The following PCDHGA7 variants were observed in gnomAD, a reference collection of about 807,000 sequenced individuals.
PCDHGA7 encodes the protein protocadherin gamma-A7.
In PCDHGA7, 44 loss-of-function variants were observed where a neutral mutation model predicts 58.3. The observed-to-expected ratio is 0.75, with a 90% confidence interval of 0.59 to 0.97. PCDHGA7 has a LOEUF of 0.97. Among genes scored for constraint, PCDHGA7 ranks in the 50% least tolerant of loss-of-function variants. The probability of loss-of-function intolerance (pLI) is 0.00; values close to 1 mark genes in which losing one functional copy is unlikely to be tolerated. For synonymous variants in PCDHGA7, 516 were observed against 504.2 expected (o/e 1.02, Z -0.31); for missense variants, 1,266 against 1,188.7 (o/e 1.06, Z -0.96).
At chr5:141,418,484 C>T (rs771278923) in intron 1 of PCDHGA7, 1 of 1,613,878 alleles carries the variant, frequency 6.2e-7, no homozygotes, top group East Asian at 2.2e-5. Flanking sequence ...GAGCGCTCAC[C>T]ACTTGGTACT....
In PCDHGA7 at chr5:141,384,371, T is replaced by G. The variant is rs1780015620; in HGVS notation, c.1472T>G (p.Leu491Trp). 2 of 1,613,920 alleles carry G rather than the reference T, an allele frequency of 1.2e-6. No individual in the cohort carries two copies. Among genetic ancestry groups the G allele is most frequent in the Non-Finnish European group, 1.7e-6 (2 of 1,179,906 alleles). ...GATAATGCCCAGATCACTTATTCCT[T>G]GGCCGAAGACACCATCCAGGGGGCT... Reference protein sequence around the residue: ...SEDNAQITYSLAEDTIQGAPV... With the variant: ...SEDNAQITYSWAEDTIQGAPV... Residue 491 changes from leucine (L) to tryptophan (W), a missense_variant, in exon 1 of 4, where the codon TTG becomes TGG. Transcript: ENST00000518325.
chr5:141,476,346 T>G lies in PCDHGA7; in HGVS notation c.2425-18461T>G, dbSNP rs1239836597. On this transcript the variant is annotated intron_variant, in intron 1 of 3. Coordinates refer to ENST00000518325, the MANE Select transcript of PCDHGA7 (RefSeq NM_018920.4). The surrounding 1 kb of genome is among the most constrained non-coding windows in gnomAD (Gnocchi z 7.6). The stretch of plus-strand genomic sequence containing the variant: ...GTGTCTGGAGCTAGCCGAAGATTCT[T>G]TGAGGTGAACCGGGAGACCGGAGAG... 2.5e-6 allele frequency: 4 copies of G among 1,613,932 alleles called. No individual in the cohort carries two copies. Among genetic ancestry groups the G allele is most frequent in the Non-Finnish European group, 3.4e-6 (4 of 1,180,022 alleles).
chr5:141,389,303 G>C, intron 1 of PCDHGA7: 3 of 1,614,000 alleles, frequency 1.9e-6, no homozygotes, highest in Non-Finnish European at 2.5e-6. Flanking sequence ...CACAAGTCAG[G>C]GCTTCTGATC....
chr5:141,404,330 T>C, intron 1 of PCDHGA7: 1 of 1,613,934 alleles, frequency 6.2e-7, no homozygotes, highest in African/African-American at 1.3e-5. Context: ...CTACTCAGTC[T>C]ACCTCCCGGA....
chr5:141,511,144 A>C lies in PCDHGA7; in HGVS notation c.2770A>C (p.Lys924Gln). 2 of 1,614,202 alleles carry C rather than the reference A, an allele frequency of 1.2e-6. No homozygotes were observed. The highest frequency in any genetic ancestry group is 1.7e-6 in the Non-Finnish European group (2 of 1,180,016). The change falls in exon 4 of 4, where the codon AAG becomes CAG. Residue 924 changes from lysine to glutamine, a missense_variant. By Grantham distance (53) the Lys-to-Gln change is moderately conservative. Transcript: ENST00000518325. Reference sequence around the variant, plus strand: ...CCCAGCAGGTGGCAATGGCAACAAGAAGAAGTCGGGCAAGAAGGAGAAGAA... The same window carrying C: ...CCCAGCAGGTGGCAATGGCAACAAGCAGAAGTCGGGCAAGAAGGAGAAGAA... ...KAPAGGNGNK[K>Q]KSGKKEKK
At chr5:141,450,147 C>T (rs1322871298) in intron 1 of PCDHGA7, among the ~76,000 whole-genome samples, 2 of 151,774 alleles carry the variant, frequency 1.3e-5, no homozygotes, top group African/African-American at 4.8e-5. Context: ...GCTGGGACTA[C>T]AGGCATGTGC....
intron 1 of PCDHGA7, chr5:141,404,421 C>T (rs199749783): frequency 1.2e-6 from 2 of 1,613,574 alleles, no homozygotes; most frequent in Non-Finnish European, 1.7e-6. Flanking sequence ...GTTATTTACT[C>T]CTTGGCAGAG....
At chr5:141,390,107 C>G (rs778685705) in intron 1 of PCDHGA7, 19 of 1,614,066 alleles carry the variant, frequency 1.2e-5, no homozygotes, top group Non-Finnish European at 1.6e-5. Context: ...CCCCCAACTA[C>G]AGCGAGGGGA....
intron 1 of PCDHGA7, chr5:141,415,455 G>T: frequency 6.2e-7 from 1 of 1,614,186 alleles, no homozygotes; most frequent in Non-Finnish European, 8.5e-7. Context: ...ATTCCCACGA[G>T]GTCTCTCTCA....
chr5:141,386,620 C>T (rs73279071), intron 1 of PCDHGA7, among the ~76,000 whole-genome samples: 2 of 151,558 alleles, frequency 1.3e-5, no homozygotes, highest in Non-Finnish European at 2.9e-5. Context: ...CATGGAGTCT[C>T]GCTCTGTCAC....
rs1395556571 is a variant in PCDHGA7 at position 141,432,581 on chromosome 5, C to CT, written c.2424+47259dup. ...CCAGAACGCCTGGCTGTCCTACCGT[C>CT]TGCTCAAGGCCAGCGAGCCGGGACT... On this transcript the variant is annotated intron_variant, in intron 1 of 3. Coordinates refer to ENST00000518325, the MANE Select transcript of PCDHGA7 (RefSeq NM_018920.4). This position sits in a 1 kb window ranked among gnomAD's most constrained non-coding sequence, Gnocchi z 6.0. 6.2e-7 allele frequency: 1 copy of CT among 1,613,930 alleles called. No homozygotes were observed.
chr5:141,393,789 G>T (rs889575374), intron 1 of PCDHGA7: 1 of 1,613,958 alleles, frequency 6.2e-7, no homozygotes, highest in African/African-American at 1.3e-5. Context: ...AGATGTGGGG[G>T]CACTTCTGGG....
At chr5:141,430,612 G>A (rs1406353008) in intron 1 of PCDHGA7, 2 of 680,678 alleles carry the variant, frequency 2.9e-6, no homozygotes, top group African/African-American at 3.7e-5. Flanking sequence ...GCACAAAGCA[G>A]ATAGCTAGGA....
chr5:141,386,119 G>T (rs2090470238), intron 1 of PCDHGA7: 1 of 152,186 alleles, frequency 6.6e-6, no homozygotes, highest in Non-Finnish European at 1.5e-5. Context: ...ATCAAAGTGG[G>T]AGATTGGGGA....
intron 1 of PCDHGA7, chr5:141,400,558 C>T: frequency 1.2e-6 from 2 of 1,613,290 alleles, no homozygotes; most frequent in Non-Finnish European, 1.7e-6. Flanking sequence ...TTTTTCATTA[C>T]CCACCCAATT....
intron 1 of PCDHGA7, among the ~76,000 whole-genome samples, chr5:141,469,392 T>C (rs2099199760): frequency 6.6e-6 from 1 of 152,046 alleles, no homozygotes; most frequent in South Asian, 2.1e-4. Flanking sequence ...CTGGCCAACA[T>C]GGTGAAACCC....
intron 1 of PCDHGA7, among the ~76,000 whole-genome samples, chr5:141,473,858 C>T (rs569473917): frequency 6.6e-6 from 1 of 152,168 alleles, no homozygotes; most frequent in Non-Finnish European, 1.5e-5. Flanking sequence ...ATGAACCTCG[C>T]TATTGTGGAG....
Position 141,477,395 on chromosome 5 carries a change from A to G in PCDHGA7, c.2425-17412A>G. The G allele has an allele frequency of 1.9e-6, 3 of 1,614,126 alleles. No individual in the cohort carries two copies. The highest frequency in any genetic ancestry group is 1.3e-5 in the African/African-American group (1 of 75,020). ...GACTGTGCCAGAATACAACCTCAGC[A>G]TCACCGCCCGAGACGCCGGAACCCC... On this transcript the variant is annotated intron_variant, in intron 1 of 3. Transcript: ENST00000518325. The surrounding 1 kb of genome is among the most constrained non-coding windows in gnomAD (Gnocchi z 4.9).
At chr5:141,417,637 A>ATCCCTCAGCCTCTAGCCTGGGAT (rs2096141530) in intron 1 of PCDHGA7, 1 of 724,654 alleles carries the variant, frequency 1.4e-6, no homozygotes, top group Admixed American at 3.5e-5. Flanking sequence ...GACGCCGGGG[A>ATCCCTCAGCCTCTAGCCTGGGAT]TCCCTCAGCC....
Sources: allele counts gnomAD v4.1 joint callset (sites outside exome capture counted in the v4.1 genomes callset), GRCh38; gene constraint gnomAD v4.1.1; non-coding constraint Gnocchi (gnomAD v3.1); transcripts MANE v1.5; gene names NCBI Gene and HGNC (gene_info 2026-07-23, HGNC 2026-07-21).